Variants in KCND3 observed in about 807,000 individuals in gnomAD.
KCND3 encodes A-type voltage-gated potassium channel KCND3.
A neutral mutation model predicts 51.1 loss-of-function variants in KCND3; 9 were observed. The observed-to-expected ratio is 0.18, with a 90% confidence interval of 0.11 to 0.31. KCND3 has a LOEUF of 0.31. Ranked by LOEUF, KCND3 falls within the 10% of genes least tolerant of loss-of-function variation. KCND3 has a pLI of 1.00. For missense variants in KCND3, 526 were observed against 903.8 expected (o/e 0.58, Z 5.36); for synonymous variants, 349 against 368.0 (o/e 0.95, Z 0.59).
intron 2 of KCND3, among the ~76,000 whole-genome samples, chr1:111,962,128 G>C (rs1394978251): frequency 1.3e-5 from 2 of 152,182 alleles, no homozygotes; most frequent in Non-Finnish European, 2.9e-5. Context: ...CCTGGTCTAG[G>C]CACATTATAA....
At chr1:111,877,694 C>T (rs1292231776) in intron 2 of KCND3, among the ~76,000 whole-genome samples, 1 of 152,132 alleles carries the variant, frequency 6.6e-6, no homozygotes, top group Non-Finnish European at 1.5e-5. Flanking sequence ...TCCACCTGGC[C>T]GCTGGTGGTT....
At chr1:111,947,138 G>C (rs1003984474) in intron 2 of KCND3, among the ~76,000 whole-genome samples, 2 of 152,120 alleles carry the variant, frequency 1.3e-5, no homozygotes, top group African/African-American at 4.8e-5. Flanking sequence ...TGATAGACTG[G>C]TACCATTTTA....
intron 2 of KCND3, among the ~76,000 whole-genome samples, chr1:111,945,874 A>T (rs1400624538): frequency 1.3e-5 from 2 of 152,144 alleles, no homozygotes; most frequent in East Asian, 3.9e-4. Flanking sequence ...TCCATGCTGT[A>T]TGAGTGGTGC....
chr1:111,909,781 C>A (rs547185085), intron 2 of KCND3: 2 of 152,364 alleles, frequency 1.3e-5, no homozygotes, highest in Middle Eastern at 3.4e-3. Flanking sequence ...CTCCGATTAA[C>A]ATCTCTCAGC....
In KCND3 at chr1:111,772,754, T is replaced by C. The variant is rs567997835; in HGVS notation, c.*3323A>G. Reference sequence around the variant, plus strand: ...TGACATTTGAATGTAACTGTTAGGTTGGTTGGTTGGTTTGTTTTTCCCTCC... The same window carrying C: ...TGACATTTGAATGTAACTGTTAGGTCGGTTGGTTGGTTTGTTTTTCCCTCC... On this transcript the variant is annotated 3_prime_UTR_variant, in exon 8 of 8. Transcript: ENST00000302127. 1 of 152,070 alleles carries C rather than the reference T, an allele frequency of 6.6e-6. No homozygotes were observed. Among genetic ancestry groups the C allele is most frequent in the Non-Finnish European group, 1.5e-5 (1 of 68,038 alleles). The allele number at this position is 152,070 out of a possible 1,614,324, so 9.4% of individuals were successfully genotyped here. A position where few individuals can be genotyped will look rare whatever the true frequency, so the allele number is the denominator to read the frequency against.
intron 2 of KCND3, among the ~76,000 whole-genome samples, chr1:111,934,216 A>G (rs1340354120): frequency 6.6e-6 from 1 of 152,150 alleles, no homozygotes; most frequent in Non-Finnish European, 1.5e-5. Context: ...TTCAGCTGAA[A>G]GGCCTGCCCA....
chr1:111,887,968 C>G (rs1463080538), intron 2 of KCND3, among the ~76,000 whole-genome samples: 1 of 152,258 alleles, frequency 6.6e-6, no homozygotes, highest in Non-Finnish European at 1.5e-5. Flanking sequence ...GTCCCAGGTC[C>G]TGGCAAAGGC....
At chr1:111,948,074 AC>A (rs1672869443) in intron 2 of KCND3, among the ~76,000 whole-genome samples, 1 of 152,300 alleles carries the variant, frequency 6.6e-6, no homozygotes, top group East Asian at 1.9e-4. Flanking sequence ...TTCCTAGTGT[AC>A]CCTGGGGTAC....
chr1:111,784,828 G>A (rs568376569), intron 3 of KCND3, among the ~76,000 whole-genome samples: 1 of 150,076 alleles, frequency 6.7e-6, no homozygotes, highest in African/African-American at 2.4e-5. Context: ...GAGGGAGAGG[G>A]AAAGGGTCAG....
At chr1:111,834,755 A>T (rs900605396) in intron 2 of KCND3, among the ~76,000 whole-genome samples, 1 of 152,244 alleles carries the variant, frequency 6.6e-6, no homozygotes, top group Non-Finnish European at 1.5e-5. Flanking sequence ...GAAGAAACAC[A>T]GAAATTTATT....
intron 2 of KCND3, among the ~76,000 whole-genome samples, chr1:111,925,005 C>T (rs759014247): frequency 2.0e-5 from 3 of 152,200 alleles, no homozygotes; most frequent in Non-Finnish European, 2.9e-5. Context: ...GGCAACCCGA[C>T]CTATCCAGGG....
rs571865129 is a variant in KCND3 at position 111,846,469 on chromosome 1, G to T, written c.1107-59363C>A. ...TGCTGCTGCTGATAAAAGAATGGCA[G>T]CCAATGTTACCTGGGGGTGGGGTGC... On this transcript the variant is annotated intron_variant, in intron 2 of 7. Coordinates refer to ENST00000302127, the MANE Select transcript of KCND3 (RefSeq NM_001378969.1). Among the ~76,000 whole-genome samples the T allele has an allele frequency of 2.0e-5, 3 of 150,188 alleles. No individual in the cohort carries two copies. The East Asian group carries it at 6.2e-4, about 31-fold the overall frequency.
intron 2 of KCND3, among the ~76,000 whole-genome samples, chr1:111,949,063 G>A (rs999749264): frequency 1.3e-5 from 2 of 152,326 alleles, no homozygotes; most frequent in East Asian, 1.9e-4. Context: ...AGCATGACAC[G>A]CAGCCTTTGT....
At chr1:111,804,983 C>A (rs752544734) in intron 2 of KCND3, among the ~76,000 whole-genome samples, 1 of 152,166 alleles carries the variant, frequency 6.6e-6, no homozygotes, top group Non-Finnish European at 1.5e-5. Context: ...CCCCTGAGGG[C>A]CCGTGTGAGT....
At chr1:111,939,522 A>G (rs1284185575) in intron 2 of KCND3, among the ~76,000 whole-genome samples, 1 of 152,118 alleles carries the variant, frequency 6.6e-6, no homozygotes, top group Non-Finnish European at 1.5e-5. Context: ...GATGGTTTCC[A>G]GCTTCATCCA....
intron 2 of KCND3, among the ~76,000 whole-genome samples, chr1:111,966,029 A>G (rs1210558722): frequency 6.6e-6 from 1 of 151,958 alleles, no homozygotes; most frequent in East Asian, 1.9e-4. Flanking sequence ...ACCTCCCTAC[A>G]AGACTCACTC....
At chr1:111,989,330 C>A (rs967825515) in intron 1 of KCND3, among the ~76,000 whole-genome samples, 175 bp downstream of exon 1, 1 of 152,130 alleles carries the variant, frequency 6.6e-6, no homozygotes, top group Admixed American at 6.5e-5. Flanking sequence ...GCCCCCGGGC[C>A]GGCTGTCTGC....
chr1:111,914,367 A>G (rs572161741), intron 2 of KCND3, among the ~76,000 whole-genome samples: 3 of 152,198 alleles, frequency 2.0e-5, no homozygotes, highest in East Asian at 3.9e-4. Flanking sequence ...GAAGAGAAAC[A>G]CAGAAGAAAT....
chr1:111,942,724 G>A (rs1034576337), intron 2 of KCND3, among the ~76,000 whole-genome samples: 4 of 152,216 alleles, frequency 2.6e-5, no homozygotes, highest in African/African-American at 9.7e-5. Context: ...CAAGACACAG[G>A]GTGAGATGTG....
Sources: allele counts gnomAD v4.1 joint callset (sites outside exome capture counted in the v4.1 genomes callset), GRCh38; gene constraint gnomAD v4.1.1; transcripts MANE v1.5; gene names NCBI Gene and HGNC (gene_info 2026-07-23, HGNC 2026-07-21).